OSBPL3: variants seen among roughly 807,000 people sequenced by gnomAD.
OSBPL3 encodes the protein oxysterol binding protein like 3, also known as oxysterol-binding protein-related protein 3.
Under a neutral mutation model 120.1 loss-of-function variants are expected in OSBPL3, and 65 were observed. That is an observed-to-expected ratio of 0.54 (90% CI 0.44 to 0.67). OSBPL3 has a LOEUF of 0.67. Ranked by LOEUF, OSBPL3 falls within the 30% of genes least tolerant of loss-of-function variation. OSBPL3 has a pLI of 0.00. For missense variants in OSBPL3, 1,004 were observed against 1,082.1 expected (o/e 0.93, Z 1.01); for synonymous variants, 416 against 402.6 (o/e 1.03, Z -0.40).
rs1206426723 is a variant in OSBPL3, at chr7:24,873,977, T to C, written c.97-1908A>G. ...TTATGATAACATGTACATGCGGTTTTATCATCCCTGCTGGACAGCAGGCTC... is the reference window on the plus strand; with the variant it reads ...TTATGATAACATGTACATGCGGTTTCATCATCCCTGCTGGACAGCAGGCTC... On this transcript the variant is annotated intron_variant, in intron 2 of 22. Coordinates refer to ENST00000313367, the MANE Select transcript of OSBPL3 (RefSeq NM_015550.4). This position sits in a 1 kb window ranked among gnomAD's most constrained non-coding sequence, Gnocchi z 4.1. Among the ~76,000 whole-genome samples the C allele has an allele frequency of 6.6e-6, 1 of 152,208 alleles. No homozygotes were observed. Among genetic ancestry groups the C allele is most frequent in the African/African-American group, 2.4e-5 (1 of 41,462 alleles).
chr7:24,814,592 T>A (rs1194872494), intron 19 of OSBPL3, among the ~76,000 whole-genome samples: 1 of 152,154 alleles, frequency 6.6e-6, no homozygotes, highest in Non-Finnish European at 1.5e-5. Flanking sequence ...TTTCTAGAAC[T>A]TTTTCATCTT....
chr7:24,900,197 C>G lies in OSBPL3; in HGVS notation c.-149-7576G>C, dbSNP rs1806787090. On this transcript the variant is annotated intron_variant, in intron 1 of 22. Transcript: ENST00000313367. This position sits in a 1 kb window ranked among gnomAD's most constrained non-coding sequence, Gnocchi z 4.5. The stretch of plus-strand genomic sequence containing the variant: ...GAGGGGGACCCTGGGATCTGTTTTT[C>G]ACAAGTTCTCCAGGTGACCTGAATG... Among the ~76,000 whole-genome samples, 5 of 152,284 alleles carry G rather than the reference C, an allele frequency of 3.3e-5. No individual in the cohort carries two copies. The South Asian group carries it at 1.0e-3, about 32-fold the overall frequency.
rs1803324382 is a variant in OSBPL3, at chr7:24,879,417, T to TC, written c.97-7349dup. On this transcript the variant is annotated intron_variant, in intron 2 of 22. Transcript: ENST00000313367. This position sits in a 1 kb window ranked among gnomAD's most constrained non-coding sequence, Gnocchi z 5.6. Reference sequence around the variant, plus strand: ...CCCGCCACCGTCACCATCCCTTCTTTCCCTTCACACACAGATGTAGCTCTC... The same window carrying TC: ...CCCGCCACCGTCACCATCCCTTCTTTCCCCTTCACACACAGATGTAGCTCTC... 6.6e-6 allele frequency among the ~76,000 whole-genome samples: 1 copy of TC among 152,132 alleles called. No homozygotes were observed. The highest frequency in any genetic ancestry group is 1.5e-5 in the Non-Finnish European group (1 of 68,030).
chr7:24,849,902 C>T lies in OSBPL3; in HGVS notation c.1159-726G>A, dbSNP rs1001418192. ...CCTGGGAGGCTGACAGATGTTGCAG[C>T]GAGCTGAGATTGCGGCCTGGGTGAG... On this transcript the variant is annotated intron_variant, in intron 11 of 22. Coordinates refer to ENST00000313367, the MANE Select transcript of OSBPL3 (RefSeq NM_015550.4). This position sits in a 1 kb window ranked among gnomAD's most constrained non-coding sequence, Gnocchi z 5.4. Among the ~76,000 whole-genome samples, 1 of 149,080 alleles carries T rather than the reference C, an allele frequency of 6.7e-6. No homozygotes were observed. Among genetic ancestry groups the T allele is most frequent in the South Asian group, 2.1e-4 (1 of 4,738 alleles).
chr7:24,834,767 T>C lies in OSBPL3; in HGVS notation c.1496-31A>G. 5 of 1,526,410 alleles carry C rather than the reference T, an allele frequency of 3.3e-6. No individual in the cohort carries two copies. The highest frequency in any genetic ancestry group is 1.3e-5 in the South Asian group (1 of 77,524). 94.6% of individuals were successfully genotyped at this position (1,526,410 alleles called of 1,614,324 possible). ...AGGGAAAGAGGCCTGGTTGTCTCTA[T>C]AAAGCTTTTCATTTTATTCTATTAT... On this transcript the variant is annotated intron_variant, in intron 14 of 22. Coordinates refer to ENST00000313367, the MANE Select transcript of OSBPL3 (RefSeq NM_015550.4). The surrounding 1 kb of genome is among the most constrained non-coding windows in gnomAD (Gnocchi z 5.2).
chr7:24,829,773 T>A (rs1272172751), intron 16 of OSBPL3, among the ~76,000 whole-genome samples: 1 of 149,592 alleles, frequency 6.7e-6, no homozygotes, highest in East Asian at 1.9e-4. Context: ...ATCTTAGAGG[T>A]TTTTTTTAAA....
chr7:24,940,073 A>G lies in OSBPL3; in HGVS notation c.-150+39813T>C, dbSNP rs912405937. The stretch of plus-strand genomic sequence containing the variant: ...CTATTGACTTCTGTTTCTAGATGAA[A>G]TGAAAACAAGTTCAAATGCTGCAAA... On this transcript the variant is annotated intron_variant, in intron 1 of 22. Transcript: ENST00000313367. This position sits in a 1 kb window ranked among gnomAD's most constrained non-coding sequence, Gnocchi z 4.4. 3.9e-5 allele frequency among the ~76,000 whole-genome samples: 6 copies of G among 152,338 alleles called. No individual in the cohort carries two copies. In the South Asian group the frequency reaches 8.3e-4, roughly 21 times the overall value.
chr7:24,814,970 C>T (rs1034063925), intron 19 of OSBPL3, 89 bp downstream of exon 19: 22 of 1,315,942 alleles, frequency 1.7e-5, no homozygotes, highest in Admixed American at 3.8e-5. Flanking sequence ...AAGGTGAAGG[C>T]GAAAAATCTC....
rs556224393 is a variant in OSBPL3, at chr7:24,896,858, G to T, written c.-149-4237C>A. Reference sequence around the variant, plus strand: ...AGGTGGACGCGACTGGATTACTTGAGGTCAGGAGTTCAAGACCAGCCTGGC... The same window carrying T: ...AGGTGGACGCGACTGGATTACTTGATGTCAGGAGTTCAAGACCAGCCTGGC... On this transcript the variant is annotated intron_variant, in intron 1 of 22. Coordinates refer to ENST00000313367, the MANE Select transcript of OSBPL3 (RefSeq NM_015550.4). The surrounding 1 kb of genome is among the most constrained non-coding windows in gnomAD (Gnocchi z 4.4). Among the ~76,000 whole-genome samples, 3 of 152,148 alleles carry T rather than the reference G, an allele frequency of 2.0e-5. No individual in the cohort carries two copies. The South Asian group carries it at 6.2e-4, about 32-fold the overall frequency.
chr7:24,979,288 AC>A (rs1190169642), intron 1 of OSBPL3, among the ~76,000 whole-genome samples: 4 of 80,734 alleles, frequency 5.0e-5, no homozygotes, highest in South Asian at 5.4e-4. Context: ...TTGGAAACTA[AC>A]AAAAAAAAAA....
intron 1 of OSBPL3, among the ~76,000 whole-genome samples, chr7:24,923,527 G>A (rs1421907259): frequency 6.6e-6 from 1 of 152,126 alleles, no homozygotes; most frequent in Non-Finnish European, 1.5e-5. Flanking sequence ...TTTTAACCAT[G>A]AGCTGGGCAA....
intron 1 of OSBPL3, among the ~76,000 whole-genome samples, chr7:24,941,022 T>C (rs370201063): frequency 6.2e-4 from 94 of 152,268 alleles, no homozygotes; most frequent in African/African-American, 2.2e-3. Context: ...GGTTTCACCA[T>C]GTTAGCCAGG....
At chr7:24,971,934 G>C (rs945783469) in intron 1 of OSBPL3, among the ~76,000 whole-genome samples, 1 of 152,128 alleles carries the variant, frequency 6.6e-6, no homozygotes, top group Non-Finnish European at 1.5e-5. Flanking sequence ...TATATGCCAG[G>C]AATTTGCATG....
At chr7:24,948,834 A>G (rs1814045636) in intron 1 of OSBPL3, among the ~76,000 whole-genome samples, 1 of 152,240 alleles carries the variant, frequency 6.6e-6, no homozygotes, top group Admixed American at 6.5e-5. Flanking sequence ...GATACAAAGT[A>G]TATGGCTGAA....
At chr7:24,950,936 A>G (rs944009990) in intron 1 of OSBPL3, among the ~76,000 whole-genome samples, 2 of 150,736 alleles carry the variant, frequency 1.3e-5, no homozygotes, top group Non-Finnish European at 3.0e-5. Flanking sequence ...ACTTGAGTTG[A>G]AAAAAAAAAT....
intron 7 of OSBPL3, 32 bp downstream of exon 7, chr7:24,865,310 C>A: frequency 6.2e-7 from 1 of 1,610,332 alleles, no homozygotes; most frequent in Non-Finnish European, 8.5e-7. Context: ...CTAATAGCCA[C>A]AACAGAAAGC....
Position 24,865,473 on chromosome 7 carries a change from A to G in OSBPL3, c.550-8T>C, listed in dbSNP as rs1801176277. Reference sequence around the variant, plus strand: ...CTTTGATATACTGCTACGCTGTTCCACGGATGACAAAAGCACATTGTAAAT... The same window carrying G: ...CTTTGATATACTGCTACGCTGTTCCGCGGATGACAAAAGCACATTGTAAAT... On this transcript the variant is annotated splice_polypyrimidine_tract_variant and splice_region_variant and intron_variant, in intron 6 of 22. Transcript: ENST00000313367. The G allele has an allele frequency of 6.2e-7, 1 of 1,612,662 alleles. No homozygotes were observed. The highest frequency in any genetic ancestry group is 1.3e-5 in the African/African-American group (1 of 74,886).
chr7:24,959,159 CTGTT>C lies in OSBPL3; in HGVS notation c.-150+20723_-150+20726del, dbSNP rs746776716. 5.3e-5 allele frequency among the ~76,000 whole-genome samples: 8 copies of C among 152,120 alleles called. No homozygotes were observed. The highest frequency in any genetic ancestry group is 1.2e-4 in the African/African-American group (5 of 41,436). ...AAATGGGCACAACCATTTTGGAAAA[CTGTT>C]TGGGGGAATCAACTGAAGCTAAACA... On this transcript the variant is annotated intron_variant, in intron 1 of 22. Coordinates refer to ENST00000313367, the MANE Select transcript of OSBPL3 (RefSeq NM_015550.4). This position sits in a 1 kb window ranked among gnomAD's most constrained non-coding sequence, Gnocchi z 4.3.
chr7:24,835,309 C>G lies in OSBPL3; in HGVS notation c.1496-573G>C, dbSNP rs1335443065. ...ATTATTTAAAATTTTTCTAAAACAT[C>G]AGTTTTTGCTCAATATCACTAATCA... On this transcript the variant is annotated intron_variant, in intron 14 of 22. Coordinates refer to ENST00000313367, the MANE Select transcript of OSBPL3 (RefSeq NM_015550.4). This position sits in a 1 kb window ranked among gnomAD's most constrained non-coding sequence, Gnocchi z 4.8. Among the ~76,000 whole-genome samples, 1 of 151,960 alleles carries G rather than the reference C, an allele frequency of 6.6e-6. No homozygotes were observed. The highest frequency in any genetic ancestry group is 1.5e-5 in the Non-Finnish European group (1 of 67,986).
Sources: allele counts gnomAD v4.1 joint callset (sites outside exome capture counted in the v4.1 genomes callset), GRCh38; gene constraint gnomAD v4.1.1; non-coding constraint Gnocchi (gnomAD v3.1); transcripts MANE v1.5; gene names NCBI Gene and HGNC (gene_info 2026-07-23, HGNC 2026-07-21).